ANGPT2: variants seen among roughly 807,000 people sequenced by gnomAD.
ANGPT2 encodes angiopoietin 2.
Under a neutral mutation model 62.9 loss-of-function variants are expected in ANGPT2, and 28 were observed. That is an observed-to-expected ratio of 0.44 (90% CI 0.33 to 0.61). ANGPT2 has a LOEUF of 0.61. ANGPT2 is among the 20% of genes least tolerant of loss of function. ANGPT2 has a pLI of 0.03. For missense variants in ANGPT2, 727 were observed against 594.9 expected (o/e 1.22, Z -2.31); for synonymous variants, 284 against 207.8 (o/e 1.37, Z -3.15).
At chr8:6,506,502 T>C (rs1813758302) in intron 8 of ANGPT2, among the ~76,000 whole-genome samples, 1 of 152,112 alleles carries the variant, frequency 6.6e-6, no homozygotes, top group Non-Finnish European at 1.5e-5. Context: ...CACATACGGG[T>C]GGTCTAATAA....
chr8:6,517,711 G>GGGT (rs765715195), intron 5 of ANGPT2, among the ~76,000 whole-genome samples: 370 of 152,280 alleles, frequency 2.4e-3, no homozygotes, highest in Non-Finnish European at 3.7e-3. Flanking sequence ...AAGGCTGAGG[G>GGGT]TATCATTGTT....
At chr8:6,535,453 A>C (rs1820307071) in intron 1 of ANGPT2, among the ~76,000 whole-genome samples, 1 of 152,216 alleles carries the variant, frequency 6.6e-6, no homozygotes, top group South Asian at 2.1e-4. Context: ...TTAAATTGCT[A>C]CTTTTTAGCT....
chr8:6,553,805 G>A lies in ANGPT2; in HGVS notation c.288+8842C>T, dbSNP rs1001344370. ...TTGAGCAGAAAAGCGAATGTCAGAC[G>A]GTCCTTATAAAGTCCCACGTGATTC... On this transcript the variant is annotated intron_variant, in intron 1 of 8. Transcript: ENST00000629816. 4.6e-5 allele frequency among the ~76,000 whole-genome samples: 7 copies of A among 152,140 alleles called. No individual in the cohort carries two copies. In the South Asian group the frequency reaches 8.3e-4, roughly 18 times the overall value.
Position 6,508,265 on chromosome 8 carries a change from C to A in ANGPT2, c.1327+667G>T, listed in dbSNP as rs928058203. The A allele has an allele frequency of 2.0e-5, 3 of 152,524 alleles. 1 individual carries two copies. The highest frequency in any genetic ancestry group is 6.5e-5 in the Admixed American group (1 of 15,304). The allele number at this position is 152,524 out of a possible 1,614,324, so 9.4% of individuals were successfully genotyped here. A position where few individuals can be genotyped will look rare whatever the true frequency, so the allele number is the denominator to read the frequency against. ...AGCAGTTCGAGACCAGCCTGGCAAA[C>A]ATGGTGAAACCCTCCCTCTACTAAA... On this transcript the variant is annotated intron_variant, in intron 8 of 8. Coordinates refer to ENST00000629816, the MANE Select transcript of ANGPT2 (RefSeq NM_001118887.2).
At chr8:6,552,757 T>G (rs1166403509) in intron 1 of ANGPT2, among the ~76,000 whole-genome samples, 1 of 152,152 alleles carries the variant, frequency 6.6e-6, no homozygotes, top group Non-Finnish European at 1.5e-5. Context: ...ACAGTGATTG[T>G]TTCGGCCAGT....
At chr8:6,531,290 TTTC>T (rs1180254624) in intron 2 of ANGPT2, among the ~76,000 whole-genome samples, 43 of 148,860 alleles carry the variant, frequency 2.9e-4, no homozygotes, top group Non-Finnish European at 4.8e-4. Context: ...TCTTTCTTTC[TTTC>T]TTTTTTTTTT....
intron 1 of ANGPT2, among the ~76,000 whole-genome samples, chr8:6,559,216 T>C (rs894103589): frequency 5.1e-5 from 6 of 117,322 alleles, no homozygotes; most frequent in Non-Finnish European, 6.9e-5. Flanking sequence ...GAGTGTTTTG[T>C]AGCCACACAC....
chr8:6,540,504 G>C (rs1482315975), intron 1 of ANGPT2, among the ~76,000 whole-genome samples: 1 of 152,238 alleles, frequency 6.6e-6, no homozygotes, highest in Non-Finnish European at 1.5e-5. Context: ...ATGTCTGTGA[G>C]CGTGCAGCCT....
At chr8:6,504,173 C>A (rs1812769016) in intron 8 of ANGPT2, among the ~76,000 whole-genome samples, 1 of 151,908 alleles carries the variant, frequency 6.6e-6, no homozygotes, top group Non-Finnish European at 1.5e-5. Flanking sequence ...AAAAAATTAG[C>A]CGGGCGTGGT....
At chr8:6,540,899 T>A (rs1243836300) in intron 1 of ANGPT2, among the ~76,000 whole-genome samples, 1 of 152,180 alleles carries the variant, frequency 6.6e-6, no homozygotes, top group East Asian at 1.9e-4. Flanking sequence ...CCCCACAGGA[T>A]CTCCCAAGGA....
At chr8:6,544,089 C>G (rs980626740) in intron 1 of ANGPT2, among the ~76,000 whole-genome samples, 46 of 152,344 alleles carry the variant, frequency 3.0e-4, no homozygotes, top group African/African-American at 1.1e-3. Flanking sequence ...TGTGGCAAGA[C>G]AGAGAATAGT....
intron 8 of ANGPT2, 33 bp from the exon 9 acceptor site, chr8:6,503,294 C>G: frequency 1.2e-6 from 2 of 1,612,536 alleles, no homozygotes; most frequent in South Asian, 2.2e-5. Flanking sequence ...GAATTAGGAA[C>G]TAGGTGATGC....
chr8:6,516,925 G>A (rs1369846386), intron 5 of ANGPT2, among the ~76,000 whole-genome samples: 2 of 152,156 alleles, frequency 1.3e-5, no homozygotes, highest in East Asian at 3.8e-4. Flanking sequence ...AATGATTTGA[G>A]CCATATGAGT....
chr8:6,556,140 G>C (rs1248682576), intron 1 of ANGPT2, among the ~76,000 whole-genome samples: 1 of 151,962 alleles, frequency 6.6e-6, no homozygotes, highest in African/African-American at 2.4e-5. Flanking sequence ...AACTTCTCAG[G>C]CTCACTTTTT....
At chr8:6,515,275 C>G (rs938348171) in intron 5 of ANGPT2, among the ~76,000 whole-genome samples, 3 of 152,098 alleles carry the variant, frequency 2.0e-5, no homozygotes, top group Admixed American at 6.5e-5. Flanking sequence ...TTGGAGGACT[C>G]CTGTTACATT....
At chr8:6,527,831 G>C (rs1818633068) in intron 2 of ANGPT2, among the ~76,000 whole-genome samples, 155 bp from the exon 3 acceptor site, 2 of 150,980 alleles carry the variant, frequency 1.3e-5, no homozygotes, top group Admixed American at 1.3e-4. Flanking sequence ...TTCATTTTCA[G>C]AAAAGGCTCA....
chr8:6,553,438 C>A (rs1461156222), intron 1 of ANGPT2, among the ~76,000 whole-genome samples: 1 of 152,174 alleles, frequency 6.6e-6, no homozygotes, highest in Non-Finnish European at 1.5e-5. Context: ...GGGAGAATAA[C>A]TTCAGAGGCT....
chr8:6,505,303 G>A lies in ANGPT2; in HGVS notation c.1328-2042C>T, dbSNP rs577230343. The stretch of plus-strand genomic sequence containing the variant: ...ATATATATGTTATATACATATATAT[G>A]TATATAACATATATATGTTATATAC... On this transcript the variant is annotated intron_variant, in intron 8 of 8. Coordinates refer to ENST00000629816, the MANE Select transcript of ANGPT2 (RefSeq NM_001118887.2). Among the ~76,000 whole-genome samples the A allele has an allele frequency of 1.2e-4, 3 of 25,324 alleles. 1 individual carries two copies. The East Asian group carries it at 3.4e-3, about 29-fold the overall frequency. 16.6% of individuals were successfully genotyped at this position (25,324 alleles called of 152,430 possible).
chr8:6,504,315 C>A (rs1453691058), intron 8 of ANGPT2, among the ~76,000 whole-genome samples: 1 of 46,624 alleles, frequency 2.1e-5, no homozygotes, highest in Non-Finnish European at 3.5e-5. Flanking sequence ...GAGACTCCAG[C>A]TCAAAAAAAA....
Sources: gnomAD v4.1 joint callset for allele counts (sites outside exome capture counted in the v4.1 genomes callset) on GRCh38, gnomAD v4.1.1 for gene constraint, MANE v1.5 for transcripts, NCBI Gene and HGNC (gene_info 2026-07-23, HGNC 2026-07-21) for gene names.